Variants in GABRG3 observed in about 807,000 individuals in gnomAD.
The protein encoded by GABRG3 is gamma-aminobutyric acid type A receptor subunit gamma3, also known as gamma-aminobutyric acid receptor subunit gamma-3.
Under a neutral mutation model 48.8 loss-of-function variants are expected in GABRG3, and 25 were observed. The observed-to-expected ratio is 0.51, with a 90% CI of 0.37 to 0.72. The LOEUF is 0.72. Ranked by LOEUF, GABRG3 falls within the 30% of genes least tolerant of loss-of-function variation. GABRG3 has a pLI of 0.00. For synonymous variants in GABRG3, 227 were observed against 217.6 expected (o/e 1.04, Z -0.38); for missense variants, 394 against 577.9 (o/e 0.68, Z 3.26).
Position 27,082,174 on chromosome 15 carries a change from C to T in GABRG3, c.270+55353C>T, listed in dbSNP as rs182081392. 1.4e-4 allele frequency among the ~76,000 whole-genome samples: 22 copies of T among 152,266 alleles called. No homozygotes were observed. In the East Asian group the frequency reaches 3.9e-3, roughly 27 times the overall value. On this transcript the variant is annotated intron_variant, in intron 3 of 9. Coordinates refer to ENST00000615808, the MANE Select transcript of GABRG3 (RefSeq NM_033223.5). ...TGTGGCTGTGTCCTCCCTGAGATGA[C>T]GGAGAGAGTCCTGTATGCTGATTCA...
intron 2 of GABRG3, among the ~76,000 whole-genome samples, chr15:26,999,019 T>A (rs1057468592): frequency 1.3e-5 from 2 of 152,128 alleles, no homozygotes; most frequent in African/African-American, 4.8e-5. Flanking sequence ...CCCTTGCCTT[T>A]GTTTTTGATG....
At chr15:27,494,046 T>A (rs547273286) in intron 6 of GABRG3, among the ~76,000 whole-genome samples, 1 of 152,302 alleles carries the variant, frequency 6.6e-6, no homozygotes, top group East Asian at 1.9e-4. Flanking sequence ...TATCATTTGA[T>A]GTGATCATAT....
chr15:27,243,471 T>G (rs1462562395), intron 3 of GABRG3, among the ~76,000 whole-genome samples: 1 of 152,036 alleles, frequency 6.6e-6, no homozygotes, highest in Non-Finnish European at 1.5e-5. Flanking sequence ...CAGGGGACGC[T>G]GGAGGCAAAC....
intron 3 of GABRG3, among the ~76,000 whole-genome samples, chr15:27,310,022 A>C (rs1288713647): frequency 6.6e-6 from 1 of 152,116 alleles, no homozygotes; most frequent in African/African-American, 2.4e-5. Context: ...AACTTGGACA[A>C]ATCTCAGAGG....
chr15:27,037,418 C>T (rs1896198422), intron 3 of GABRG3, among the ~76,000 whole-genome samples: 1 of 152,186 alleles, frequency 6.6e-6, no homozygotes, highest in African/African-American at 2.4e-5. Flanking sequence ...GGTCGACTGG[C>T]TAAGTTAGGT....
chr15:27,471,747 C>G (rs971711126), intron 5 of GABRG3, among the ~76,000 whole-genome samples: 3 of 152,180 alleles, frequency 2.0e-5, no homozygotes, highest in African/African-American at 7.2e-5. Context: ...TCATAAACAC[C>G]TTCTTCCTCC....
intron 5 of GABRG3, among the ~76,000 whole-genome samples, chr15:27,438,342 C>T (rs1043978476): frequency 1.3e-5 from 2 of 152,284 alleles, no homozygotes; most frequent in Non-Finnish European, 1.5e-5. Context: ...ATTTTATGTG[C>T]ATTTTACATT....
intron 5 of GABRG3, chr15:27,340,898 C>A: frequency 2.2e-6 from 1 of 449,782 alleles, no homozygotes; most frequent in Non-Finnish European, 4.3e-6. Flanking sequence ...CTGTTATGTA[C>A]TTTTGTGCAG....
chr15:27,098,443 C>T (rs1897302237), intron 3 of GABRG3, among the ~76,000 whole-genome samples: 1 of 152,088 alleles, frequency 6.6e-6, no homozygotes, highest in Admixed American at 6.6e-5. Flanking sequence ...CAAAAACCAA[C>T]AACAACAAAA....
At chr15:27,189,417 A>G (rs1430740108) in intron 3 of GABRG3, among the ~76,000 whole-genome samples, 16 of 152,138 alleles carry the variant, frequency 1.1e-4, no homozygotes, top group Admixed American at 5.9e-4. Flanking sequence ...GCAGTGGTTT[A>G]TAGTTTTCCT....
At chr15:27,043,120 C>G (rs1896306383) in intron 3 of GABRG3, among the ~76,000 whole-genome samples, 1 of 152,170 alleles carries the variant, frequency 6.6e-6, no homozygotes, top group Non-Finnish European at 1.5e-5. Context: ...CTTTCCAGCC[C>G]CATTCTAATA....
chr15:27,153,526 AAAT>A (rs1334713816), intron 3 of GABRG3, among the ~76,000 whole-genome samples: 1 of 152,146 alleles, frequency 6.6e-6, no homozygotes, highest in East Asian at 1.9e-4. Flanking sequence ...AAATATTTTT[AAAT>A]AATTTTTATA....
intron 3 of GABRG3, among the ~76,000 whole-genome samples, chr15:27,283,190 C>T (rs1891494028): frequency 6.6e-6 from 1 of 152,182 alleles, no homozygotes; most frequent in Non-Finnish European, 1.5e-5. Context: ...CACTTGGTCT[C>T]TGCCAGCACC....
intron 3 of GABRG3, among the ~76,000 whole-genome samples, chr15:27,165,421 A>G (rs1887340786): frequency 6.6e-6 from 1 of 152,144 alleles, no homozygotes. Context: ...TCTGTGTGAA[A>G]ATGTCCTCAT....
chr15:27,305,545 A>G (rs1892377630), intron 3 of GABRG3, among the ~76,000 whole-genome samples: 1 of 145,812 alleles, frequency 6.9e-6, no homozygotes, highest in African/African-American at 2.5e-5. Flanking sequence ...ATGTTTATAT[A>G]TAAACATAAT....
rs533062912 is a variant in GABRG3 at position 27,378,174 on chromosome 15, G to C, written c.574+49286G>C. 5.9e-5 allele frequency among the ~76,000 whole-genome samples: 9 copies of C among 152,082 alleles called. No individual in the cohort carries two copies. In the South Asian group the frequency reaches 1.9e-3, roughly 32 times the overall value. On this transcript the variant is annotated intron_variant, in intron 5 of 9. Coordinates refer to ENST00000615808, the MANE Select transcript of GABRG3 (RefSeq NM_033223.5). ...AGCATAGGCTCCAGGTGAGAGTTAT[G>C]AGTTACTGAAATTGCCTGGAGTTCT...
chr15:27,090,634 G>A lies in GABRG3; in HGVS notation c.270+63813G>A, dbSNP rs570700691. ...GATTTACATTTTACTAATGAATCTAGGATGTCTTTCTATTTATTTGTGTTT... is the reference window on the plus strand; with the variant it reads ...GATTTACATTTTACTAATGAATCTAAGATGTCTTTCTATTTATTTGTGTTT... On this transcript the variant is annotated intron_variant, in intron 3 of 9. Transcript: ENST00000615808. 2.6e-5 allele frequency among the ~76,000 whole-genome samples: 4 copies of A among 152,094 alleles called. No individual in the cohort carries two copies. The South Asian group carries it at 8.3e-4, about 32-fold the overall frequency.
chr15:27,311,426 CTG>C (rs1892988627), intron 3 of GABRG3, among the ~76,000 whole-genome samples: 1 of 152,162 alleles, frequency 6.6e-6, no homozygotes, highest in Non-Finnish European at 1.5e-5. Context: ...GGACGGGCTT[CTG>C]TCTAGCCTGT....
intron 2 of GABRG3, among the ~76,000 whole-genome samples, chr15:27,008,861 G>C (rs1282403323): frequency 6.6e-6 from 1 of 152,140 alleles, no homozygotes; most frequent in Non-Finnish European, 1.5e-5. Flanking sequence ...GTGTCAGTTG[G>C]CCTTTTCAAT....
Sources: allele counts gnomAD v4.1 joint callset (sites outside exome capture counted in the v4.1 genomes callset), GRCh38; gene constraint gnomAD v4.1.1; transcripts MANE v1.5; gene names NCBI Gene and HGNC (gene_info 2026-07-23, HGNC 2026-07-21).